The following PDZRN4 variants were observed in gnomAD, a reference collection of about 807,000 sequenced individuals.
PDZRN4 encodes the protein PDZ domain containing ring finger 4.
A neutral mutation model predicts 99.0 loss-of-function variants in PDZRN4; 70 were observed. The observed-to-expected ratio is 0.71, with a 90% CI of 0.58 to 0.86. The LOEUF (loss-of-function observed/expected upper bound fraction) is 0.86, where lower values mean the gene tolerates loss of function less well. PDZRN4 is among the 40% of genes least tolerant of loss of function. The pLI is 0.00. For missense variants in PDZRN4, 1,474 were observed against 1,331.2 expected (o/e 1.11, Z -1.67); for synonymous variants, 551 against 501.6 (o/e 1.10, Z -1.32).
At chr12:41,568,157 C>A (rs1452578055) in intron 9 of PDZRN4, among the ~76,000 whole-genome samples, 3 of 152,122 alleles carry the variant, frequency 2.0e-5, no homozygotes, top group Non-Finnish European at 4.4e-5. Context: ...TTGACCCAGG[C>A]ACTACTTCAA....
intron 5 of PDZRN4, among the ~76,000 whole-genome samples, chr12:41,533,016 A>G (rs530927335): frequency 6.6e-6 from 1 of 152,152 alleles, no homozygotes; most frequent in South Asian, 2.1e-4. Context: ...TACATGCTAA[A>G]GTGTATTGCC....
chr12:41,567,649 C>T, intron 8 of PDZRN4, 134 bp from the exon 9 acceptor site: 1 of 320,190 alleles, frequency 3.1e-6, no homozygotes. Flanking sequence ...GAGAGGTGAA[C>T]TGTGGGAGGC....
At chr12:41,195,675 C>G (rs1480109386) in intron 3 of PDZRN4, among the ~76,000 whole-genome samples, 3 of 152,008 alleles carry the variant, frequency 2.0e-5, no homozygotes, top group Non-Finnish European at 1.5e-5. Context: ...AGTTTTGTTG[C>G]CGAGAAAGTG....
At chr12:41,513,238 C>CT (rs1938340494) in intron 5 of PDZRN4, among the ~76,000 whole-genome samples, 1 of 152,026 alleles carries the variant, frequency 6.6e-6, no homozygotes, top group South Asian at 2.1e-4. Context: ...CAAGCAAATG[C>CT]TTCTTTGGAG....
intron 3 of PDZRN4, among the ~76,000 whole-genome samples, chr12:41,452,060 T>C (rs767132203): frequency 6.6e-6 from 1 of 151,896 alleles, no homozygotes; most frequent in Admixed American, 6.6e-5. Context: ...ATAGGGTTGG[T>C]TTCATTTCTT....
chr12:41,378,520 A>ATTTTTTTTTT (rs71081733), intron 3 of PDZRN4, among the ~76,000 whole-genome samples: 6,216 of 102,074 alleles, frequency 0.061, 492 homozygotes, highest in Middle Eastern at 0.09. Flanking sequence ...TCTGTCTTCA[A>ATTTTTTTTTT]TTTTTTTTTT....
intron 3 of PDZRN4, among the ~76,000 whole-genome samples, chr12:41,392,727 A>G (rs1369919305): frequency 6.6e-6 from 1 of 152,190 alleles, no homozygotes; most frequent in Non-Finnish European, 1.5e-5. Flanking sequence ...CCTCTTCTTC[A>G]CCAGCCGTCT....
At chr12:41,220,397 C>A (rs1172215904) in intron 3 of PDZRN4, among the ~76,000 whole-genome samples, 1 of 152,052 alleles carries the variant, frequency 6.6e-6, no homozygotes, top group African/African-American at 2.4e-5. Context: ...ATCTTAATTA[C>A]CTCTTTAAAG....
chr12:41,473,570 A>G (rs1953013027), intron 3 of PDZRN4: 1 of 152,172 alleles, frequency 6.6e-6, no homozygotes, highest in Non-Finnish European at 1.5e-5. Flanking sequence ...ACTTCTGGCC[A>G]TGGGCCCCAT....
At chr12:41,327,608 T>C (rs541882397) in intron 3 of PDZRN4, among the ~76,000 whole-genome samples, 2 of 152,264 alleles carry the variant, frequency 1.3e-5, no homozygotes, top group East Asian at 1.9e-4. Context: ...CTCAGCACAC[T>C]CTTGAAACAG....
intron 3 of PDZRN4, among the ~76,000 whole-genome samples, chr12:41,218,230 C>A (rs1950933727): frequency 1.3e-5 from 2 of 152,092 alleles, no homozygotes; most frequent in African/African-American, 4.8e-5. Flanking sequence ...TACTCCTCTC[C>A]TAGTTCATTG....
rs78357117 is a variant in PDZRN4, at chr12:41,459,910, T to C, written c.844-46546T>C. 4.7e-5 allele frequency: 59 copies of C among 1,245,670 alleles called. No individual in the cohort carries two copies. The East Asian group carries it at 1.8e-3, about 38-fold the overall frequency. The allele number at this position is 1,245,670 out of a possible 1,614,324, so 77.2% of individuals were successfully genotyped here. On this transcript the variant is annotated intron_variant, in intron 3 of 9. Coordinates refer to ENST00000402685, the MANE Select transcript of PDZRN4 (RefSeq NM_001164595.2). ...AAAACTTCTAGAACAATTACAGCTT[T>C]ACTGTTTTGACTGAAGGAGAAAAAA...
chr12:41,290,714 C>A (rs943259394), intron 3 of PDZRN4, among the ~76,000 whole-genome samples: 2 of 151,990 alleles, frequency 1.3e-5, no homozygotes, highest in Admixed American at 1.3e-4. Flanking sequence ...TATATTTACC[C>A]TACTCTCAGA....
intron 3 of PDZRN4, among the ~76,000 whole-genome samples, chr12:41,367,536 G>A (rs140037062): frequency 1.2e-3 from 177 of 151,910 alleles, no homozygotes; most frequent in African/African-American, 4.2e-3. Context: ...AAAAAAGAAA[G>A]AAAGAAACAT....
intron 3 of PDZRN4, among the ~76,000 whole-genome samples, chr12:41,401,169 CT>C (rs1381173259): frequency 1.3e-5 from 2 of 152,080 alleles, no homozygotes; most frequent in Non-Finnish European, 2.9e-5. Flanking sequence ...CCTTAATCTG[CT>C]TGCTAAGTAA....
At chr12:41,335,871 T>C (rs1484662878) in intron 3 of PDZRN4, among the ~76,000 whole-genome samples, 1 of 152,192 alleles carries the variant, frequency 6.6e-6, no homozygotes, top group Non-Finnish European at 1.5e-5. Context: ...TTTATGCTTT[T>C]GTTGTAATAT....
At chr12:41,313,182 T>G (rs1053515128) in intron 3 of PDZRN4, among the ~76,000 whole-genome samples, 5 of 152,142 alleles carry the variant, frequency 3.3e-5, no homozygotes, top group Admixed American at 2.6e-4. Flanking sequence ...TATTCAATAC[T>G]TACTCCTAAC....
At chr12:41,285,943 A>G (rs979784981) in intron 3 of PDZRN4, among the ~76,000 whole-genome samples, 6 of 152,170 alleles carry the variant, frequency 3.9e-5, no homozygotes, top group African/African-American at 1.4e-4. Context: ...TGGCACATGT[A>G]TACCTACATA....
At chr12:41,220,037 A>T (rs865885810) in intron 3 of PDZRN4, among the ~76,000 whole-genome samples, 6 of 152,232 alleles carry the variant, frequency 3.9e-5, no homozygotes, top group Middle Eastern at 3.4e-3. Flanking sequence ...GCCCAGCAAT[A>T]AGGAGAACCT....
Sources: gnomAD v4.1 joint callset for allele counts (sites outside exome capture counted in the v4.1 genomes callset) on GRCh38, gnomAD v4.1.1 for gene constraint, MANE v1.5 for transcripts, NCBI Gene and HGNC (gene_info 2026-07-23, HGNC 2026-07-21) for gene names.